EIF4E3: variants seen among roughly 807,000 people sequenced by gnomAD.
The protein encoded by EIF4E3 is eukaryotic translation initiation factor 4E family member 3.
EIF4E3 carries 26 observed loss-of-function variants against 31.7 expected under a neutral mutation model. The ratio of observed to expected loss-of-function variants is 0.82; its 90% confidence interval spans 0.60 to 1.14. The LOEUF (loss-of-function observed/expected upper bound fraction) is 1.14, where lower values mean the gene tolerates loss of function less well. Ranked by LOEUF, EIF4E3 falls within the 50% of genes most tolerant of loss-of-function variation. EIF4E3 has a pLI of 0.00. For synonymous variants in EIF4E3, 128 were observed against 107.7 expected (o/e 1.19, Z -1.17); for missense variants, 304 against 270.9 (o/e 1.12, Z -0.86).
intron 2 of EIF4E3, among the ~76,000 whole-genome samples, chr3:71,704,408 C>G (rs1048632859): frequency 2.0e-5 from 3 of 152,204 alleles, no homozygotes; most frequent in African/African-American, 7.2e-5. Context: ...GCCCTCATTC[C>G]TACAGCGCTG....
the EIF4E3 span, among the ~76,000 whole-genome samples, chr3:71,669,081 T>C: frequency 6.6e-6 from 1 of 152,050 alleles, no homozygotes; most frequent in African/African-American, 2.4e-5. Flanking sequence ...AAAGCATGAG[T>C]TCATGTCCTT....
At chr3:71,746,465 T>C (rs1439204973) in intron 1 of EIF4E3, among the ~76,000 whole-genome samples, 1 of 152,130 alleles carries the variant, frequency 6.6e-6, no homozygotes, top group Non-Finnish European at 1.5e-5. Flanking sequence ...AAGGGGGCAA[T>C]CCTTATGCAC....
In EIF4E3 at chr3:71,746,941, C is replaced by T. The variant is rs571433989; in HGVS notation, c.-291+6522G>A. Among the ~76,000 whole-genome samples the T allele has an allele frequency of 2.0e-5, 3 of 152,314 alleles. No individual in the cohort carries two copies. In the East Asian group the frequency reaches 5.8e-4, roughly 29 times the overall value. On this transcript the variant is annotated intron_variant, in intron 1 of 7. Coordinates refer to the EIF4E3 transcript ENST00000295612. ...GCACAGTATTTTCAAGGTTCATCCA[C>T]GCTGGAGCATCACATACCAGTACTT...
At chr3:71,730,559 C>G (rs919372203) in intron 1 of EIF4E3, among the ~76,000 whole-genome samples, 2 of 152,160 alleles carry the variant, frequency 1.3e-5, no homozygotes, top group Admixed American at 1.3e-4. Context: ...TGTTAAGCAT[C>G]TGCAGTGAGG....
rs1308798726 is a variant in EIF4E3 at position 71,677,481 on chromosome 3, T to C, written c.*7201A>G. 1 of 152,110 alleles carries C rather than the reference T, an allele frequency of 6.6e-6. No homozygotes were observed. Among genetic ancestry groups the C allele is most frequent in the African/African-American group, 2.4e-5 (1 of 41,422 alleles). The allele number at this position is 152,110 out of a possible 1,614,324, so 9.4% of individuals were successfully genotyped here. ...GACAAGGCAGAGGAACCTATGCTAATAGAACAACCGAGAACACATTCCAAA... is the reference window on the plus strand; with the variant it reads ...GACAAGGCAGAGGAACCTATGCTAACAGAACAACCGAGAACACATTCCAAA... On this transcript the variant is annotated 3_prime_UTR_variant, in exon 7 of 7. Coordinates refer to ENST00000425534, the MANE Select transcript of EIF4E3 (RefSeq NM_001134651.2).
chr3:71,741,958 T>G (rs2049825519), intron 1 of EIF4E3, among the ~76,000 whole-genome samples: 1 of 152,190 alleles, frequency 6.6e-6, no homozygotes, highest in South Asian at 2.1e-4. Context: ...GGAAGTATTC[T>G]GAAATGAATG....
intron 1 of EIF4E3, among the ~76,000 whole-genome samples, chr3:71,737,527 A>T (rs2049775445): frequency 6.6e-6 from 1 of 152,004 alleles, no homozygotes; most frequent in Non-Finnish European, 1.5e-5. Flanking sequence ...AATCTCAATG[A>T]ACTCCAATCA....
the EIF4E3 span, among the ~76,000 whole-genome samples, chr3:71,660,933 C>G: frequency 2.1e-4 from 32 of 152,058 alleles, no homozygotes; most frequent in Non-Finnish European, 4.3e-4. Context: ...GCTTCCACCC[C>G]CTCATGCTTG....
chr3:71,733,065 C>G (rs1255164030), intron 1 of EIF4E3, among the ~76,000 whole-genome samples: 1 of 152,186 alleles, frequency 6.6e-6, no homozygotes, highest in Non-Finnish European at 1.5e-5. Context: ...TACGAGTGTC[C>G]TCCTTTGTAT....
At chr3:71,695,738 A>G (rs948023531) in intron 4 of EIF4E3, among the ~76,000 whole-genome samples, 1 of 152,218 alleles carries the variant, frequency 6.6e-6, no homozygotes, top group Non-Finnish European at 1.5e-5. Context: ...GCTTATCCAC[A>G]TGAAAGAAAC....
downstream of EIF4E3, among the ~76,000 whole-genome samples, chr3:71,671,774 T>C (rs996553446): frequency 6.6e-6 from 1 of 151,996 alleles, no homozygotes; most frequent in Non-Finnish European, 1.5e-5. Flanking sequence ...GGCCTTCTTT[T>C]AAAAATTGTG....
In EIF4E3 at chr3:71,675,419, A is replaced by G. The variant is rs1578322895; in HGVS notation, c.*9263T>C. ...AGTGAGACAGAAAAGCAAGCTTCAG[A>G]TATAAATTTTTTAATTCCCAGTTAA... On this transcript the variant is annotated 3_prime_UTR_variant, in exon 7 of 7. Transcript: ENST00000425534. 1 of 152,248 alleles carries G rather than the reference A, an allele frequency of 6.6e-6. No homozygotes were observed. The highest frequency in any genetic ancestry group is 2.4e-5 in the African/African-American group (1 of 41,466). The allele number at this position is 152,248 out of a possible 1,614,324, so 9.4% of individuals were successfully genotyped here.
chr3:71,714,631 T>A (rs1285734320), intron 1 of EIF4E3, among the ~76,000 whole-genome samples: 3 of 152,198 alleles, frequency 2.0e-5, no homozygotes, highest in African/African-American at 7.2e-5. Context: ...ACTTCATACT[T>A]GTTTACCAAG....
At chr3:71,674,766 C>A (rs1329536517), downstream of EIF4E3, among the ~76,000 whole-genome samples, 2 of 152,138 alleles carry the variant, frequency 1.3e-5, no homozygotes, top group African/African-American at 4.8e-5. Flanking sequence ...ATGGAAGTAC[C>A]ATTTACTAAC....
chr3:71,718,158 T>C (rs2049493116), intron 1 of EIF4E3, among the ~76,000 whole-genome samples: 1 of 152,258 alleles, frequency 6.6e-6, no homozygotes, highest in South Asian at 2.1e-4. Flanking sequence ...CGGGCTCAGC[T>C]GTCAGAGGGA....
At chr3:71,754,406 C>A, upstream of EIF4E3, 2 of 1,348,682 alleles carry the variant, frequency 1.5e-6, no homozygotes, top group South Asian at 1.7e-5. The surrounding 1 kb of genome is among the most constrained non-coding windows in gnomAD (Gnocchi z 5.8). Flanking sequence ...TGGGCGTCAC[C>A]CGCTACCTGG....
At chr3:71,751,671 C>T (rs1010072268) in intron 1 of EIF4E3, among the ~76,000 whole-genome samples, 1 of 152,138 alleles carries the variant, frequency 6.6e-6, no homozygotes, top group Non-Finnish European at 1.5e-5. Context: ...AATTGATAGC[C>T]AATGATATGT....
At position 71,684,673 on chromosome 3, in the gene EIF4E3, A is replaced by G. The variant is rs1414104988; in HGVS notation, c.*9T>C. 2 of 1,614,060 alleles carry G rather than the reference A, an allele frequency of 1.2e-6. No individual in the cohort carries two copies. Among genetic ancestry groups the G allele is most frequent in the Middle Eastern group, 1.7e-4 (1 of 6,060 alleles). On this transcript the variant is annotated 3_prime_UTR_variant, in exon 7 of 7. Transcript: ENST00000425534. Reference sequence around the variant, plus strand: ...CAGCAAAGGACAAAGAATTCTTTACAGAGTGCAATTAGTGTTTTCCACGTC... The same window carrying G: ...CAGCAAAGGACAAAGAATTCTTTACGGAGTGCAATTAGTGTTTTCCACGTC...
chr3:71,708,648 T>A (rs950434233), intron 2 of EIF4E3, among the ~76,000 whole-genome samples: 22 of 152,094 alleles, frequency 1.4e-4, no homozygotes, highest in African/African-American at 4.8e-4. Context: ...ACCCCTTGCA[T>A]AACCCTGATG....
Sources: gnomAD v4.1 joint callset for allele counts (sites outside exome capture counted in the v4.1 genomes callset) on GRCh38, gnomAD v4.1.1 for gene constraint, Gnocchi (gnomAD v3.1) non-coding constraint, MANE v1.5 for transcripts, NCBI Gene and HGNC (gene_info 2026-07-23, HGNC 2026-07-21) for gene names.